The following TPO variants were observed in gnomAD, a reference collection of about 807,000 sequenced individuals.
The protein encoded by TPO is thyroid microsomal antigen.
A neutral mutation model predicts 96.9 loss-of-function variants in TPO; 78 were observed. That is an observed-to-expected ratio of 0.81 (90% CI 0.67 to 0.97). The LOEUF (loss-of-function observed/expected upper bound fraction) is 0.97. Ranked by LOEUF, TPO falls within the 50% of genes least tolerant of loss-of-function variation. TPO has a pLI of 0.00. For synonymous variants in TPO, 547 were observed against 538.0 expected (o/e 1.02, Z -0.23); for missense variants, 1,252 against 1,274.8 (o/e 0.98, Z 0.27).
At chr2:1,503,768 C>G (rs1346444436) in intron 13 of TPO, 180 bp from the exon 14 acceptor site, 1 of 1,150,922 alleles carries the variant, frequency 8.7e-7, no homozygotes, top group East Asian at 2.6e-5. Flanking sequence ...TCTGTCTGCT[C>G]CTCATCACCT....
intron 15 of TPO, among the ~76,000 whole-genome samples, chr2:1,535,854 C>A (rs1287676219): frequency 1.3e-5 from 1 of 74,928 alleles, no homozygotes; most frequent in Non-Finnish European, 2.3e-5. Context: ...GCAACCTCCC[C>A]GAATCCCCCC....
intron 13 of TPO, among the ~76,000 whole-genome samples, chr2:1,500,982 A>T (rs1049433798): frequency 6.6e-6 from 1 of 151,922 alleles, no homozygotes; most frequent in African/African-American, 2.4e-5. Context: ...AAAAAAAAAA[A>T]AAAAAACTGG....
At chr2:1,412,768 A>G (rs1329382578), upstream of TPO, among the ~76,000 whole-genome samples, 3 of 152,142 alleles carry the variant, frequency 2.0e-5, no homozygotes, top group African/African-American at 7.2e-5. Context: ...GTCATTGAAG[A>G]TGTGTTATTT....
intron 7 of TPO, among the ~76,000 whole-genome samples, chr2:1,468,522 T>C (rs1669106581): frequency 6.6e-6 from 1 of 152,214 alleles, no homozygotes; most frequent in African/African-American, 2.4e-5. Context: ...CTGAGGAGGC[T>C]GAAGATGGGT....
At chr2:1,529,016 C>A (rs1263842201) in intron 15 of TPO, among the ~76,000 whole-genome samples, 15 of 140,376 alleles carry the variant, frequency 1.1e-4, no homozygotes, top group African/African-American at 3.9e-4. Context: ...GAGTAACCTC[C>A]TCAAATCCCA....
chr2:1,499,487 C>T (rs1396174056), intron 13 of TPO, among the ~76,000 whole-genome samples: 4 of 152,168 alleles, frequency 2.6e-5, no homozygotes, highest in African/African-American at 4.8e-5. Flanking sequence ...GGGCCTGTCT[C>T]GGCATGGTGC....
chr2:1,499,881 AATG>A (rs1248990195), intron 13 of TPO, among the ~76,000 whole-genome samples: 4 of 152,208 alleles, frequency 2.6e-5, no homozygotes, highest in African/African-American at 9.6e-5. Flanking sequence ...TCAAATGTGA[AATG>A]AGGACAGGAA....
chr2:1,473,789 T>C (rs1669650785), intron 7 of TPO, among the ~76,000 whole-genome samples: 1 of 152,008 alleles, frequency 6.6e-6, no homozygotes, highest in African/African-American at 2.4e-5. Flanking sequence ...TTTTTCTCCA[T>C]TACCATTCAT....
rs1309251364 is a variant in TPO at position 1,488,062 on chromosome 2, T to C, written c.1768+71T>C. On this transcript the variant is annotated intron_variant, in intron 10 of 16. Coordinates refer to ENST00000329066, the MANE Select transcript of TPO (RefSeq NM_001206744.2). ...ATTTGCCGAGCTAGCAACCTGCTGC[T>C]AGAGAGACTGATTTAGAGGAAAACA... The C allele has an allele frequency of 2.5e-6, 4 of 1,599,002 alleles. No homozygotes were observed. The Admixed American group carries it at 6.7e-5, about 27-fold the overall frequency.
At position 1,526,455 on chromosome 2, in the gene TPO, T is replaced by C. The variant is rs1676523643; in HGVS notation, c.2618+9473T>C. Among the ~76,000 whole-genome samples, 4 of 95,172 alleles carry C rather than the reference T, an allele frequency of 4.2e-5. No homozygotes were observed. The South Asian group carries it at 1.1e-3, about 26-fold the overall frequency. The allele number at this position is 95,172 out of a possible 152,430, so 62.4% of individuals were successfully genotyped here. A position where few individuals can be genotyped will look rare whatever the true frequency, so the allele number is the denominator to read the frequency against. ...TCAAATCCCCCAACTGTGTGCAACC[T>C]CCCCAAATCCCCTCCACTGTGTGCA... On this transcript the variant is annotated intron_variant, in intron 15 of 16. Transcript: ENST00000329066.
chr2:1,537,986 TCTGTGCAACCCCCCCAAATCCCTCTA>T (rs1680237619), intron 15 of TPO, among the ~76,000 whole-genome samples: 1 of 48,414 alleles, frequency 2.1e-5, no homozygotes, highest in Admixed American at 3.6e-4. Context: ...ATCCCCCCAC[TCTGTGCAACCCCCCCAAATCCCTCTA>T]CTGTGTGCCA....
At chr2:1,469,627 T>C (rs889815523) in intron 7 of TPO, among the ~76,000 whole-genome samples, 1 of 152,144 alleles carries the variant, frequency 6.6e-6, no homozygotes, top group African/African-American at 2.4e-5. Context: ...GACCCAGAGA[T>C]CCCACAGGGC....
chr2:1,502,587 A>T (rs1672983746), intron 13 of TPO, among the ~76,000 whole-genome samples: 1 of 151,888 alleles, frequency 6.6e-6, no homozygotes, highest in Non-Finnish European at 1.5e-5. Flanking sequence ...ATGGGATTTC[A>T]CCATGTTGGC....
In TPO at chr2:1,520,949, G is replaced by A. The variant is rs185946612; in HGVS notation, c.2618+3967G>A. On this transcript the variant is annotated intron_variant, in intron 15 of 16. Coordinates refer to ENST00000329066, the MANE Select transcript of TPO (RefSeq NM_001206744.2). ...TTACTGTCCAGGGAAGATGCTAAATGTGCAGTTCCAGTCCTTTCTCCATTC... is the reference window on the plus strand; with the variant it reads ...TTACTGTCCAGGGAAGATGCTAAATATGCAGTTCCAGTCCTTTCTCCATTC... 4.6e-5 allele frequency among the ~76,000 whole-genome samples: 7 copies of A among 152,294 alleles called. No individual in the cohort carries two copies. The East Asian group carries it at 9.7e-4, about 21-fold the overall frequency.
At chr2:1,450,891 T>C (rs955034155) in intron 5 of TPO, among the ~76,000 whole-genome samples, 8 of 152,214 alleles carry the variant, frequency 5.3e-5, no homozygotes, top group African/African-American at 1.9e-4. Flanking sequence ...AAGCAATCTT[T>C]CCAATCTTCA....
chr2:1,456,071 C>A lies in TPO; in HGVS notation c.613-5C>A, dbSNP rs1298488813. Reference sequence around the variant, plus strand: ...TGTCCTGACCAATGGTCTCTTCCTACCCAGGTCCGGGAGGTGACAAGACAT... The same window carrying A: ...TGTCCTGACCAATGGTCTCTTCCTAACCAGGTCCGGGAGGTGACAAGACAT... On this transcript the variant is annotated splice_region_variant and splice_polypyrimidine_tract_variant and intron_variant, in intron 6 of 16. Coordinates refer to ENST00000329066, the MANE Select transcript of TPO (RefSeq NM_001206744.2). 5 of 1,613,338 alleles carry A rather than the reference C, an allele frequency of 3.1e-6. No homozygotes were observed.
intron 9 of TPO, among the ~76,000 whole-genome samples, chr2:1,487,403 G>A (rs374715729): frequency 3.3e-4 from 50 of 152,168 alleles, no homozygotes; most frequent in Admixed American, 1.6e-3. Context: ...CACACAAGCT[G>A]AATTCATGAA....
chr2:1,392,119 T>A (rs1441076407), intron 1 of TPO, among the ~76,000 whole-genome samples: 1 of 152,140 alleles, frequency 6.6e-6, no homozygotes, highest in Non-Finnish European at 1.5e-5. Flanking sequence ...TGCTTCCAAT[T>A]TTTGCCCATT....
At position 1,540,705 on chromosome 2, in the gene TPO, A is replaced by C. The variant is rs758026899; in HGVS notation, c.2730A>C (p.Ala910=). 1.2e-6 allele frequency: 2 copies of C among 1,613,272 alleles called. No homozygotes were observed. Among genetic ancestry groups the C allele is most frequent in the Non-Finnish European group, 1.7e-6 (2 of 1,180,054 alleles). The change falls in exon 16 of 17, where the codon GCA becomes GCC. Residue 910 remains alanine (A), a synonymous_variant. Coordinates refer to ENST00000329066, the MANE Select transcript of TPO (RefSeq NM_001206744.2). ...TAGGGACCTCACCGCAGCGGGCCGCAGCTCAGGACTCGGAGCAGGTGGGCC... is the reference window on the plus strand; with the variant it reads ...TAGGGACCTCACCGCAGCGGGCCGCCGCTCAGGACTCGGAGCAGGTGGGCC... The part of the protein sequence containing the change: ...QAVGTSPQRA[A]AQDSEQESAG...
Sources: gnomAD v4.1 joint callset for allele counts (sites outside exome capture counted in the v4.1 genomes callset) on GRCh38, gnomAD v4.1.1 for gene constraint, MANE v1.5 for transcripts, NCBI Gene and HGNC (gene_info 2026-07-23, HGNC 2026-07-21) for gene names.